IL1RAP: variants seen among roughly 807,000 people sequenced by gnomAD.
IL1RAP encodes the protein interleukin 1 receptor accessory protein.
Under a neutral mutation model 60.7 loss-of-function variants are expected in IL1RAP, and 35 were observed. That is an observed-to-expected ratio of 0.58 (90% confidence interval 0.44 to 0.76). IL1RAP has a LOEUF of 0.76. Among genes scored for constraint, IL1RAP ranks in the 30% least tolerant of loss-of-function variants. The pLI is 0.00. For missense variants in IL1RAP, 572 were observed against 693.9 expected, an observed-to-expected ratio of 0.82 and a Z score of 1.97; for synonymous variants, 268 against 250.9, an observed-to-expected ratio of 1.07 and a Z score of -0.64.
At chr3:190,651,775 G>GTGTGTATGTGTATGTGTA (rs71635331), downstream of IL1RAP, among the ~76,000 whole-genome samples, 143 of 151,630 alleles carry the variant, frequency 9.4e-4, no homozygotes, top group African/African-American at 3.3e-3. Context: ...ATGTGTTTAT[G>GTGTGTATGTGTATGTGTA]TGTGTATGTG....
chr3:190,569,988 A>G (rs1726772900), intron 3 of IL1RAP, among the ~76,000 whole-genome samples: 1 of 152,166 alleles, frequency 6.6e-6, no homozygotes, highest in Non-Finnish European at 1.5e-5. Context: ...CTTAGCAGTG[A>G]CTCACTACCA....
At chr3:190,527,516 A>G (rs1006528137) in intron 1 of IL1RAP, among the ~76,000 whole-genome samples, 1 of 152,104 alleles carries the variant, frequency 6.6e-6, no homozygotes, top group Non-Finnish European at 1.5e-5. Context: ...CAGTGAAGAC[A>G]CATTTGGCAG....
downstream of IL1RAP, chr3:190,651,664 A>G (rs923467677): frequency 2.6e-5 from 4 of 152,886 alleles, no homozygotes; most frequent in African/African-American, 9.6e-5. Flanking sequence ...TCTGAGTAAA[A>G]TGGGAACTTC....
In IL1RAP at chr3:190,521,457, A is replaced by AT. The variant is rs79210560; in HGVS notation, c.-89+7252dup. 2.5e-3 allele frequency among the ~76,000 whole-genome samples: 355 copies of AT among 141,358 alleles called. 1 individual carries two copies. Among genetic ancestry groups the AT allele is most frequent in the Admixed American group, 4.3e-3 (61 of 14,070 alleles). The allele number at this position is 141,358 out of a possible 152,430, so 92.7% of individuals were successfully genotyped here. A position where few individuals can be genotyped will look rare whatever the true frequency, so the allele number is the denominator to read the frequency against. Reference sequence around the variant, plus strand: ...AGTTTTCTAACTCCAAGATTATGTCATTTTTTTTTTTTTTCCTCAGTCAAT... The same window carrying AT: ...AGTTTTCTAACTCCAAGATTATGTCATTTTTTTTTTTTTTTCCTCAGTCAAT... On this transcript the variant is annotated intron_variant, in intron 1 of 11. Coordinates refer to ENST00000447382, the MANE Select transcript of IL1RAP (RefSeq NM_002182.4).
At chr3:190,614,008 CCTGTCT>C (rs1156703014) in intron 5 of IL1RAP, among the ~76,000 whole-genome samples, 1 of 151,960 alleles carries the variant, frequency 6.6e-6, no homozygotes, top group Non-Finnish European at 1.5e-5. Context: ...ACTGCATCCT[CCTGTCT>C]CTGTACAGCA....
chr3:190,656,557 C>T (rs893317146), exon 12 of IL1RAP: 3 of 1,535,824 alleles, frequency 2.0e-6, no homozygotes, highest in Admixed American at 2.0e-5. Context: ...AGCCCTTGCT[C>T]TTCATCATTT....
chr3:190,591,911 A>C (rs1577677829), intron 3 of IL1RAP, among the ~76,000 whole-genome samples: 2 of 151,972 alleles, frequency 1.3e-5, no homozygotes, highest in East Asian at 1.9e-4. Flanking sequence ...ACAGCCCTGC[A>C]AAAAAAATCA....
intron 1 of IL1RAP, among the ~76,000 whole-genome samples, chr3:190,520,190 G>T (rs1159675905): frequency 6.6e-6 from 1 of 152,266 alleles, no homozygotes; most frequent in African/African-American, 2.4e-5. Context: ...TATCTGCTGA[G>T]GATATGGTTT....
intron 1 of IL1RAP, among the ~76,000 whole-genome samples, chr3:190,553,486 G>C (rs923454012): frequency 6.6e-6 from 1 of 152,024 alleles, no homozygotes; most frequent in African/African-American, 2.4e-5. Context: ...ATGCAAATGC[G>C]TTCCTCCACC....
intron 3 of IL1RAP, among the ~76,000 whole-genome samples, chr3:190,589,080 A>T (rs888815140): frequency 1.3e-5 from 2 of 152,098 alleles, no homozygotes; most frequent in African/African-American, 4.8e-5. Flanking sequence ...ATGGGGCTGG[A>T]TGATTTTTGA....
At chr3:190,533,303 G>A (rs778445818) in intron 1 of IL1RAP, among the ~76,000 whole-genome samples, 1 of 152,126 alleles carries the variant, frequency 6.6e-6, no homozygotes. Context: ...TTAAAAGAGG[G>A]CCTAGACATC....
chr3:190,655,895 T>C (rs1001650909), downstream of IL1RAP: 6 of 1,536,234 alleles, frequency 3.9e-6, no homozygotes, highest in African/African-American at 5.5e-5. Context: ...ATAGATACAG[T>C]GGAAGCAGTT....
chr3:190,577,323 G>T (rs993764332), intron 3 of IL1RAP, among the ~76,000 whole-genome samples: 1 of 152,154 alleles, frequency 6.6e-6, no homozygotes, highest in African/African-American at 2.4e-5. Flanking sequence ...CCGGAGCTAG[G>T]TGGTATGGGC....
chr3:190,588,585 T>TTGTA (rs1261749122), intron 3 of IL1RAP, among the ~76,000 whole-genome samples: 2 of 152,196 alleles, frequency 1.3e-5, no homozygotes, highest in Non-Finnish European at 2.9e-5. Context: ...GTGTGTGTAG[T>TTGTA]TGTAGTTGTA....
chr3:190,612,597 A>T lies in IL1RAP; in HGVS notation c.537+3416A>T, dbSNP rs143433694. On this transcript the variant is annotated intron_variant, in intron 5 of 11. Coordinates refer to ENST00000447382, the MANE Select transcript of IL1RAP (RefSeq NM_002182.4). ...TTTTCACTTCTTTATTTTTTTAGTC[A>T]TTCATTCATGACTACAGATAGTCCT... Among the ~76,000 whole-genome samples, 226 of 152,088 alleles carry T rather than the reference A, an allele frequency of 1.5e-3. 1 individual carries two copies. The highest frequency in any genetic ancestry group is 2.5e-3 in the Non-Finnish European group (173 of 67,976).
chr3:190,645,064 C>T (rs769236332), intron 10 of IL1RAP, among the ~76,000 whole-genome samples: 14 of 152,124 alleles, frequency 9.2e-5, no homozygotes, highest in Non-Finnish European at 1.8e-4. Flanking sequence ...TTCATGTGTA[C>T]GTTAACATCT....
At chr3:190,543,537 A>C (rs979005178) in intron 1 of IL1RAP, among the ~76,000 whole-genome samples, 1 of 152,198 alleles carries the variant, frequency 6.6e-6, no homozygotes, top group African/African-American at 2.4e-5. Context: ...TTTTAGGAAG[A>C]AGGTAGAAAT....
intron 9 of IL1RAP, chr3:190,630,110 T>G (rs929443870): frequency 2.6e-6 from 2 of 762,850 alleles, no homozygotes; most frequent in Admixed American, 1.3e-4. Flanking sequence ...TTTTAAACAC[T>G]ATGTATCAAT....
chr3:190,591,984 T>C (rs1257973717), intron 3 of IL1RAP, among the ~76,000 whole-genome samples: 1 of 152,228 alleles, frequency 6.6e-6, no homozygotes, highest in East Asian at 1.9e-4. Flanking sequence ...CCATGAACCA[T>C]GGTACAGAAG....
Sources: allele counts gnomAD v4.1 joint callset (sites outside exome capture counted in the v4.1 genomes callset), GRCh38; gene constraint gnomAD v4.1.1; transcripts MANE v1.5; gene names NCBI Gene and HGNC (gene_info 2026-07-23, HGNC 2026-07-21).